ABLIM1: variants seen among roughly 807,000 people sequenced by gnomAD.
ABLIM1 encodes the protein actin binding LIM protein 1.
Under a neutral mutation model 107.0 loss-of-function variants are expected in ABLIM1, and 40 were observed. The ratio of observed to expected loss-of-function variants is 0.37; its 90% CI spans 0.29 to 0.49. ABLIM1 has a LOEUF of 0.49. Among genes scored for constraint, ABLIM1 ranks in the 20% least tolerant of loss-of-function variants. ABLIM1 has a pLI of 0.97. For missense variants in ABLIM1, 857 were observed against 1,008.5 expected (o/e 0.85, Z 2.04); for synonymous variants, 357 against 357.3 (o/e 1.00, Z 0.01).
intron 1 of ABLIM1, among the ~76,000 whole-genome samples, chr10:114,760,159 T>G (rs955117340): frequency 8.6e-5 from 13 of 152,036 alleles, no homozygotes; most frequent in African/African-American, 1.9e-4. Flanking sequence ...GGAGAGAGGT[T>G]CAATAAATAC....
intron 17 of ABLIM1, among the ~76,000 whole-genome samples, chr10:114,442,662 T>C (rs2060359817): frequency 7.0e-6 from 1 of 142,000 alleles, no homozygotes; most frequent in Non-Finnish European, 1.5e-5. Context: ...AATCCTAGTC[T>C]TGCTAGTTAT....
At chr10:114,687,156 A>G (rs1475615531), upstream of ABLIM1, among the ~76,000 whole-genome samples, 1 of 152,214 alleles carries the variant, frequency 6.6e-6, no homozygotes, top group Non-Finnish European at 1.5e-5. Flanking sequence ...ATATTGTTAA[A>G]CAGTTTTCTT....
At chr10:114,441,308 T>A (rs897725783) in intron 18 of ABLIM1, among the ~76,000 whole-genome samples, 1 of 152,206 alleles carries the variant, frequency 6.6e-6, no homozygotes, top group African/African-American at 2.4e-5. Flanking sequence ...CTCTTGCTGA[T>A]AAATAAAAAT....
At chr10:114,507,708 G>A (rs2061349539) in intron 6 of ABLIM1, among the ~76,000 whole-genome samples, 1 of 152,212 alleles carries the variant, frequency 6.6e-6, no homozygotes, top group South Asian at 2.1e-4. Context: ...ACCGTGCCAT[G>A]GCTGGACACT....
At chr10:114,451,697 G>C in intron 13 of ABLIM1, 26 bp from the exon 14 acceptor site, 1 of 1,591,594 alleles carries the variant, frequency 6.3e-7, no homozygotes, top group Non-Finnish European at 8.6e-7. Flanking sequence ...GCAAAGGTGT[G>C]TGATTATGGG....
chr10:114,800,337 T>A, the ABLIM1 span, among the ~76,000 whole-genome samples: 1 of 152,148 alleles, frequency 6.6e-6, no homozygotes, highest in Non-Finnish European at 1.5e-5. Flanking sequence ...TTCTCTCTTG[T>A]CCTATATAAC....
rs1324681769 is a variant in ABLIM1 at position 114,436,343 on chromosome 10, T to C, written c.2254A>G (p.Ile752Val). ...AACTCCTGTATGGACATTCCAAAGA[T>C]TTCCCGAAACACTTCAGGGGCTAAG... ...RHLAPEVFRE[I>V]FGMSIQEFDR... The change falls in exon 23 of 23, where the codon ATC (isoleucine) becomes GTC (valine). Residue 752 changes from isoleucine to valine, a missense_variant. Physicochemically the swap from Ile to Val is conservative, Grantham distance 29. Transcript: ENST00000533213. 1.9e-5 allele frequency: 30 copies of C among 1,613,864 alleles called. No homozygotes were observed. Among genetic ancestry groups the C allele is most frequent in the Non-Finnish European group, 2.5e-5 (30 of 1,179,962 alleles).
chr10:114,536,238 T>G (rs1286133676), intron 6 of ABLIM1, among the ~76,000 whole-genome samples: 1 of 43,330 alleles, frequency 2.3e-5, no homozygotes, highest in African/African-American at 6.0e-5. Flanking sequence ...TTTTTTTTTT[T>G]TTTTTTTTTT....
At position 114,444,152 on chromosome 10, in the gene ABLIM1, G is replaced by GAA. The variant is rs11338035; in HGVS notation, c.1828-20_1828-19dup. The GAA allele has an allele frequency of 7.1e-3, 8,968 of 1,271,224 alleles. No individual in the cohort carries two copies. The highest frequency in any genetic ancestry group is 7.7e-3 in the South Asian group (513 of 66,732). The allele number at this position is 1,271,224 out of a possible 1,614,324, so 78.7% of individuals were successfully genotyped here. Reference sequence around the variant, plus strand: ...GAGTTAAGCTATTCACAGAAAAAAGGAAAAAAAAAAAAAAAAGAAAGCAAA... The same window carrying GAA: ...GAGTTAAGCTATTCACAGAAAAAAGGAAAAAAAAAAAAAAAAAAGAAAGCAAA... On this transcript the variant is annotated intron_variant, in intron 16 of 22. Transcript: ENST00000533213.
chr10:114,778,572 C>G, the ABLIM1 span: 1 of 41,800 alleles, frequency 2.4e-5, no homozygotes, highest in African/African-American at 5.9e-5. Flanking sequence ...CATCCAGACA[C>G]ACACACACAC....
chr10:114,736,496 C>T (rs1293829215), intron 1 of ABLIM1, among the ~76,000 whole-genome samples: 2 of 152,092 alleles, frequency 1.3e-5, no homozygotes, highest in Non-Finnish European at 2.9e-5. Flanking sequence ...TATTCATTTA[C>T]CATTGTTTAA....
chr10:114,799,684 T>C, the ABLIM1 span, among the ~76,000 whole-genome samples: 1 of 152,260 alleles, frequency 6.6e-6, no homozygotes, highest in Admixed American at 6.5e-5. Context: ...CCACCATCAC[T>C]TCTTACTGAA....
rs189916741 is a variant in ABLIM1 at position 114,657,891 on chromosome 10, A to G, written c.244+66T>C. 248 of 1,296,846 alleles carry G rather than the reference A, an allele frequency of 1.9e-4. 1 individual carries two copies. In the East Asian group the frequency reaches 5.4e-3, roughly 28 times the overall value. The allele number at this position is 1,296,846 out of a possible 1,614,324, so 80.3% of individuals were successfully genotyped here. ...CACATTACAGAAGAATGATCTGGAT[A>G]GTACTCTCTTAATTACGCCAATCAC... On this transcript the variant is annotated intron_variant, in intron 1 of 22. Transcript: ENST00000533213.
intron 1 of ABLIM1, among the ~76,000 whole-genome samples, chr10:114,634,129 C>CCTTTTTTTTTT (rs1555212577): frequency 2.9e-5 from 2 of 68,298 alleles, no homozygotes; most frequent in African/African-American, 1.3e-4. Flanking sequence ...CTCAATTTTT[C>CCTTTTTTTTTT]TTTTTTTTTT....
At position 114,738,764 on chromosome 10, in the gene ABLIM1, T is replaced by C. The variant is rs116141529; in HGVS notation, c.-213+29297A>G. ...AACTCCTTGTTGGATCTATAACAGATGGAAACTGAGGCACGATAAAAAAAA... is the reference window on the plus strand; with the variant it reads ...AACTCCTTGTTGGATCTATAACAGACGGAAACTGAGGCACGATAAAAAAAA... On this transcript the variant is annotated intron_variant, in intron 1 of 15. Transcript: ENST00000651092. 3.3e-3 allele frequency among the ~76,000 whole-genome samples: 498 copies of C among 148,958 alleles called. 1 individual carries two copies. Among genetic ancestry groups the C allele is most frequent in the African/African-American group, 0.011 (461 of 40,356 alleles).
chr10:114,557,351 C>T (rs1000786676), intron 4 of ABLIM1, among the ~76,000 whole-genome samples: 7 of 152,150 alleles, frequency 4.6e-5, no homozygotes, highest in African/African-American at 1.4e-4. Flanking sequence ...ACAATTACCA[C>T]ACAACAAACA....
rs376631596 is a variant in ABLIM1, at chr10:114,575,567, A to G, written c.412T>C (p.Phe138Leu). The G allele has an allele frequency of 6.2e-7, 1 of 1,614,106 alleles. No individual in the cohort carries two copies. The highest frequency in any genetic ancestry group is 8.5e-7 in the Non-Finnish European group (1 of 1,179,976). The change falls in exon 3 of 23, where the codon TTC becomes CTC. Residue 138 changes from phenylalanine to leucine, a missense_variant. This residue lies in a region of ABLIM1 where 176 missense variants were observed against 173.5 expected (regional missense o/e 1.01). Transcript: ENST00000533213. ...CAGAGATACTCTCCGTTCTTTATGAAGAAGCCCCCTTGTGCCAGGTCACAG... is the reference window on the plus strand; with the variant it reads ...CAGAGATACTCTCCGTTCTTTATGAGGAAGCCCCCTTGTGCCAGGTCACAG... ...CGCDLAQGGF[F>L]IKNGEYLCTL...
rs1175096182 is a variant in ABLIM1 at position 114,431,985 on chromosome 10, A to T, written c.*4275T>A. 5.5e-4 allele frequency: 6 copies of T among 10,882 alleles called. No homozygotes were observed. Among genetic ancestry groups the T allele is most frequent in the Non-Finnish European group, 3.0e-3 (6 of 2,028 alleles). 0.7% of individuals were successfully genotyped at this position (10,882 alleles called of 1,614,324 possible). A position where few individuals can be genotyped will look rare whatever the true frequency, so the allele number is the denominator to read the frequency against. On this transcript the variant is annotated 3_prime_UTR_variant, in exon 23 of 23. Coordinates refer to ENST00000533213, the MANE Select transcript of ABLIM1 (RefSeq NM_002313.7). ...GCAAACAGAAAAATAAACAGTGATTAAAAAAAAATGCCAAAGTGAAGGTTT... is the reference window on the plus strand; with the variant it reads ...GCAAACAGAAAAATAAACAGTGATTTAAAAAAAATGCCAAAGTGAAGGTTT...
At chr10:114,708,191 A>T (rs1452322647) in intron 1 of ABLIM1, among the ~76,000 whole-genome samples, 1 of 152,204 alleles carries the variant, frequency 6.6e-6, no homozygotes, top group Non-Finnish European at 1.5e-5. Context: ...CTACCTCCAG[A>T]CAAAGTGATC....
Sources: allele counts gnomAD v4.1 joint callset (sites outside exome capture counted in the v4.1 genomes callset), GRCh38; gene constraint gnomAD v4.1.1; regional missense constraint gnomAD v4.1.1; transcripts MANE v1.5; gene names NCBI Gene and HGNC (gene_info 2026-07-23, HGNC 2026-07-21).